Variants in FLACC1 observed in about 807,000 individuals in gnomAD.
FLACC1 encodes flagellum-associated coiled-coil domain-containing protein 1.
In FLACC1, 66 loss-of-function variants were observed where a neutral mutation model predicts 62.8. The ratio of observed to expected loss-of-function variants is 1.05; its 90% CI spans 0.86 to 1.29. The LOEUF is 1.29. Among genes scored for constraint, FLACC1 ranks in the 50% most tolerant of loss-of-function variants. The pLI is 0.00. For missense variants in FLACC1, 452 were observed against 489.1 expected (o/e 0.92, Z 0.71); for synonymous variants, 156 against 161.0 (o/e 0.97, Z 0.24).
intron 11 of FLACC1, among the ~76,000 whole-genome samples, 200 bp from the exon 12 acceptor site, chr2:201,299,500 T>C (rs924449752): frequency 2.6e-5 from 4 of 152,204 alleles, no homozygotes; most frequent in Non-Finnish European, 5.9e-5. Context: ...CTTATCTCAC[T>C]GACAAATATT....
intron 7 of FLACC1, among the ~76,000 whole-genome samples, chr2:201,331,034 T>C (rs1175721520): frequency 6.6e-6 from 1 of 151,302 alleles, no homozygotes; most frequent in African/African-American, 2.4e-5. Context: ...GGTGGCATGG[T>C]CACAGCTCAC....
rs563034403 is a variant in FLACC1 at position 201,346,562 on chromosome 2, C to T, written c.348G>A (p.Pro116=). Residue 116 remains proline (P), a synonymous_variant, in exon 5 of 15, where the codon CCG becomes CCA. Transcript: ENST00000392257. This position sits in a 1 kb window ranked among gnomAD's most constrained non-coding sequence, Gnocchi z 4.0. ...ATTACCTGGAAAATCTGCCTTTGTC[C>T]GGGATCTCCGATTCCCACCGCTTTT... is the stretch of plus-strand genomic sequence containing the variant. ...DRKKRWESEI[P]DKGRFSRTNI... is the part of the protein sequence containing the mutation. 18 of 1,613,896 alleles carry T rather than the reference C, an allele frequency of 1.1e-5. No homozygotes were observed. The Admixed American group carries it at 1.3e-4, about 12-fold the overall frequency.
chr2:201,291,625 T>C (rs993235628), intron 12 of FLACC1, among the ~76,000 whole-genome samples: 1 of 152,188 alleles, frequency 6.6e-6, no homozygotes, highest in African/African-American at 2.4e-5. Context: ...GTGCCTCTCC[T>C]CCTCCAAAGG....
chr2:201,350,557 T>C (rs1195900214), intron 3 of FLACC1, among the ~76,000 whole-genome samples, 154 bp downstream of exon 3: 1 of 152,134 alleles, frequency 6.6e-6, no homozygotes, highest in East Asian at 1.9e-4. Context: ...CGCGCACACC[T>C]GTATTCCCAG....
At position 201,351,382 on chromosome 2, in the gene FLACC1, T is replaced by C. The variant is rs1261011474; in HGVS notation, c.23A>G (p.Tyr8Cys). Reference sequence around the variant, plus strand: ...GTTCCAGGGGTCCCAGCAGGTGCAGTAGATGAGAGGGTTGGGGTACATGGC... The same window carrying C: ...GTTCCAGGGGTCCCAGCAGGTGCAGCAGATGAGAGGGTTGGGGTACATGGC... MYPNPLI[Y>C]CTCWDPWNLG... The change falls in exon 2 of 15, where the codon TAC becomes TGC. Residue 8 changes from tyrosine (Y) to cysteine (C), a missense_variant. Transcript: ENST00000392257. 6.2e-7 allele frequency: 1 copy of C among 1,613,878 alleles called. No individual in the cohort carries two copies. The highest frequency in any genetic ancestry group is 2.2e-5 in the East Asian group (1 of 44,872).
intron 9 of FLACC1, among the ~76,000 whole-genome samples, chr2:201,330,193 T>C (rs1191587527): frequency 1.3e-5 from 2 of 152,222 alleles, no homozygotes; most frequent in Non-Finnish European, 2.9e-5. Context: ...GGTGGTGATA[T>C]TTCTTTTTGC....
At chr2:201,348,171 A>G in intron 4 of FLACC1, 83 bp downstream of exon 4, 1 of 1,364,014 alleles carries the variant, frequency 7.3e-7, no homozygotes, top group Non-Finnish European at 1.0e-6. Context: ...CAAGGTAAGT[A>G]TAAAAATGTA....
At chr2:201,360,702 G>T (rs12997501), upstream of FLACC1, among the ~76,000 whole-genome samples, 34,087 of 152,128 alleles carry the variant, frequency 0.22, 4,183 homozygotes, top group Non-Finnish European at 0.27. Context: ...CACCTAGAAA[G>T]AGGGGCCACT....
intron 9 of FLACC1, among the ~76,000 whole-genome samples, chr2:201,319,023 A>C (rs1950352835): frequency 6.6e-6 from 1 of 152,202 alleles, no homozygotes; most frequent in Non-Finnish European, 1.5e-5. Context: ...GGCACACCAA[A>C]ATCTCACAAA....
rs577827428 is a variant in FLACC1 at position 201,316,091 on chromosome 2, AT to A, written c.676-6842del. ...GGAAAGCTAAAAGCCCTAAACACTT[AT>A]ATAAAAAAGTCTGAAAGAGCAAAAA... On this transcript the variant is annotated intron_variant, in intron 9 of 14. Transcript: ENST00000392257. 2.6e-5 allele frequency among the ~76,000 whole-genome samples: 4 copies of A among 152,270 alleles called. No individual in the cohort carries two copies. The East Asian group carries it at 5.8e-4, about 22-fold the overall frequency.
At chr2:201,309,277 G>C (rs1950167413) in intron 9 of FLACC1, 27 bp from the exon 10 acceptor site, 4 of 1,553,408 alleles carry the variant, frequency 2.6e-6, no homozygotes, top group Non-Finnish European at 3.6e-6. Flanking sequence ...GCACCATGAA[G>C]AAAAGAGTCC....
chr2:201,355,488 A>G (rs1951101703), intron 1 of FLACC1, among the ~76,000 whole-genome samples: 1 of 151,970 alleles, frequency 6.6e-6, no homozygotes, highest in Non-Finnish European at 1.5e-5. Context: ...TCTTTGATGA[A>G]TGTGTAGTTG....
At chr2:201,340,489 C>A (rs1037175851) in intron 7 of FLACC1, among the ~76,000 whole-genome samples, 2 of 152,134 alleles carry the variant, frequency 1.3e-5, no homozygotes, top group African/African-American at 4.8e-5. Flanking sequence ...AGTTTAGTTG[C>A]AAGCAATAAC....
At chr2:201,309,354 A>G in intron 9 of FLACC1, 104 bp from the exon 10 acceptor site, 1 of 827,038 alleles carries the variant, frequency 1.2e-6, no homozygotes, top group East Asian at 2.4e-5. Flanking sequence ...GGCATTGCAC[A>G]GTGGCCAGGG....
At chr2:201,303,864 C>T (rs192143140) in intron 11 of FLACC1, among the ~76,000 whole-genome samples, 4 of 152,054 alleles carry the variant, frequency 2.6e-5, no homozygotes, top group African/African-American at 9.7e-5. Context: ...AAAAGGCCTT[C>T]AACAAAATTC....
rs1339646473 is a variant in FLACC1 at position 201,345,643 on chromosome 2, G to T, written c.368+899C>A. 2.6e-5 allele frequency among the ~76,000 whole-genome samples: 4 copies of T among 152,120 alleles called. No individual in the cohort carries two copies. In the East Asian group the frequency reaches 5.8e-4, roughly 22 times the overall value. On this transcript the variant is annotated intron_variant, in intron 5 of 14. Transcript: ENST00000392257. ...TGAACATGGGCAGGATATCAGAGAA[G>T]AAGATATGAATAAGAGATTAAAGGG...
At chr2:201,320,901 C>T (rs921954163) in intron 9 of FLACC1, among the ~76,000 whole-genome samples, 1 of 152,218 alleles carries the variant, frequency 6.6e-6, no homozygotes, top group African/African-American at 2.4e-5. Flanking sequence ...GTAAGCATCA[C>T]CTCTTGGCTG....
At position 201,346,749 on chromosome 2, in the gene FLACC1, C is replaced by T. The variant is rs1169602412; in HGVS notation, c.235-74G>A. The T allele has an allele frequency of 1.9e-6, 3 of 1,583,886 alleles. No individual in the cohort carries two copies. Among genetic ancestry groups the T allele is most frequent in the Non-Finnish European group, 2.6e-6 (3 of 1,161,376 alleles). ...GATTTTTCCAAATCTTCTCTTATTG[C>T]CTCACTCACATCTTAAAAACAGGGA... On this transcript the variant is annotated intron_variant, in intron 4 of 14. Coordinates refer to ENST00000392257, the MANE Select transcript of FLACC1 (RefSeq NM_001127391.3). This position sits in a 1 kb window ranked among gnomAD's most constrained non-coding sequence, Gnocchi z 4.0.
chr2:201,288,687 G>T lies in FLACC1; in HGVS notation c.1237C>A (p.Gln413Lys), dbSNP rs148219597. 2.8e-5 allele frequency: 45 copies of T among 1,613,796 alleles called. No individual in the cohort carries two copies. Among genetic ancestry groups the T allele is most frequent in the Non-Finnish European group, 3.7e-5 (44 of 1,179,956 alleles). Residue 413 changes from glutamine (Q) to lysine (K), a missense_variant, in exon 15 of 15, where the codon CAA (glutamine) becomes AAA (lysine). Gln to Lys is a moderately conservative substitution (Grantham distance 53, BLOSUM62 1). This residue lies in a region of FLACC1 where 301 missense variants were observed against 318.4 expected (regional missense o/e 0.95). Coordinates refer to ENST00000392257, the MANE Select transcript of FLACC1 (RefSeq NM_001127391.3). Reference sequence around the variant, plus strand: ...TCTTGTCCTTTCTTGCTACCATCTTGCACAGTGTCAGAATCATCCTTAGAA... The same window carrying T: ...TCTTGTCCTTTCTTGCTACCATCTTTCACAGTGTCAGAATCATCCTTAGAA... ...TVSKDDSDTV[Q>K]DGSKKGQES is the part of the protein sequence containing the mutation.
Sources: gnomAD v4.1 joint callset for allele counts (sites outside exome capture counted in the v4.1 genomes callset) on GRCh38, gnomAD v4.1.1 for gene constraint, gnomAD v4.1.1 regional missense constraint, Gnocchi (gnomAD v3.1) non-coding constraint, MANE v1.5 for transcripts, NCBI Gene and HGNC (gene_info 2026-07-23, HGNC 2026-07-21) for gene names.